Variants in IGF1R observed in about 807,000 individuals in gnomAD.
IGF1R encodes the protein insulin-like growth factor 1 receptor.
IGF1R carries 44 observed loss-of-function variants against 144.6 expected under a neutral mutation model. That is an observed-to-expected ratio of 0.30 (90% CI 0.24 to 0.39). The LOEUF (loss-of-function observed/expected upper bound fraction) is 0.39. Among genes scored for constraint, IGF1R ranks in the 10% least tolerant of loss-of-function variants. The pLI is 1.00. For missense variants in IGF1R, 1,355 were observed against 1,833.7 expected (o/e 0.74, Z 4.77); for synonymous variants, 795 against 722.8 (o/e 1.10, Z -1.60).
intron 18 of IGF1R, 123 bp from the exon 19 acceptor site, chr15:98,942,800 A>G: frequency 7.7e-7 from 1 of 1,300,620 alleles, no homozygotes; most frequent in South Asian, 1.2e-5. Flanking sequence ...TGGCCACCTT[A>G]AAGTGGGACG....
chr15:98,812,902 G>A (rs2056621275), intron 2 of IGF1R, among the ~76,000 whole-genome samples: 1 of 152,164 alleles, frequency 6.6e-6, no homozygotes, highest in Non-Finnish European at 1.5e-5. Flanking sequence ...ATGTACTGTT[G>A]TTGACCAGAG....
chr15:98,856,567 G>C (rs755286830), intron 2 of IGF1R, among the ~76,000 whole-genome samples: 2 of 152,248 alleles, frequency 1.3e-5, no homozygotes, highest in African/African-American at 2.4e-5. Flanking sequence ...ATACTGAGCT[G>C]TAGCATGCAT....
chr15:98,803,240 C>T (rs1031340691), intron 2 of IGF1R, among the ~76,000 whole-genome samples: 2 of 152,132 alleles, frequency 1.3e-5, no homozygotes, highest in Non-Finnish European at 2.9e-5. Context: ...GCTGCAAACC[C>T]GTGGAGCATG....
Position 98,964,217 on chromosome 15 carries a change from T to TGCA in IGF1R, c.*6775_*6776insGCA. 4.3e-6 allele frequency: 1 copy of TGCA among 232,718 alleles called. No individual in the cohort carries two copies. Among genetic ancestry groups the TGCA allele is most frequent in the Non-Finnish European group, 8.5e-6 (1 of 117,598 alleles). 14.4% of individuals were successfully genotyped at this position (232,718 alleles called of 1,614,324 possible). A position where few individuals can be genotyped will look rare whatever the true frequency, so the allele number is the denominator to read the frequency against. ...AGTTTTCTTGTTAAAAAAAAATTTTTTTAAGTAAGAAAAAAAAAGGTAATA... is the reference window on the plus strand; with the variant it reads ...AGTTTTCTTGTTAAAAAAAAATTTTTGCATTAAGTAAGAAAAAAAAAGGTAATA... On this transcript the variant is annotated 3_prime_UTR_variant, in exon 21 of 21. Coordinates refer to ENST00000650285, the MANE Select transcript of IGF1R (RefSeq NM_000875.5).
intron 2 of IGF1R, among the ~76,000 whole-genome samples, chr15:98,749,934 A>AT (rs2054966532): frequency 7.1e-6 from 1 of 140,704 alleles, no homozygotes; most frequent in African/African-American, 2.7e-5. Flanking sequence ...CTACTTGGGT[A>AT]TTTTGTTCTC....
At chr15:98,885,538 G>T (rs1045701530) in intron 2 of IGF1R, among the ~76,000 whole-genome samples, 1 of 152,086 alleles carries the variant, frequency 6.6e-6, no homozygotes, top group East Asian at 1.9e-4. Flanking sequence ...AGTTAGGAGC[G>T]GTTAATCCTC....
At chr15:98,687,113 T>C (rs1011717044) in intron 1 of IGF1R, among the ~76,000 whole-genome samples, 2 of 152,248 alleles carry the variant, frequency 1.3e-5, no homozygotes, top group Non-Finnish European at 2.9e-5. Context: ...GATTACTTCC[T>C]TGTCATTCAT....
chr15:98,654,990 A>G (rs2052451480), intron 1 of IGF1R, among the ~76,000 whole-genome samples: 1 of 152,208 alleles, frequency 6.6e-6, no homozygotes, highest in Non-Finnish European at 1.5e-5. Flanking sequence ...GGAGGGTAGC[A>G]GCCCCAGTGT....
At chr15:98,765,022 A>T (rs2055400102) in intron 2 of IGF1R, among the ~76,000 whole-genome samples, 1 of 152,108 alleles carries the variant, frequency 6.6e-6, no homozygotes, top group South Asian at 2.1e-4. Context: ...GTTTCTATGG[A>T]TTCACCTATT....
intron 2 of IGF1R, among the ~76,000 whole-genome samples, chr15:98,804,553 C>T (rs1422377927): frequency 3.9e-5 from 6 of 152,014 alleles, no homozygotes; most frequent in Non-Finnish European, 7.4e-5. Context: ...GAAAGTGAAA[C>T]GGGGCTATGG....
chr15:98,791,072 C>T (rs2056116788), intron 2 of IGF1R, among the ~76,000 whole-genome samples: 1 of 152,170 alleles, frequency 6.6e-6, no homozygotes, highest in Non-Finnish European at 1.5e-5. Flanking sequence ...GTTTGCATAG[C>T]TTAGTTCATG....
At chr15:98,895,912 T>C (rs1321388846) in intron 3 of IGF1R, among the ~76,000 whole-genome samples, 1 of 152,200 alleles carries the variant, frequency 6.6e-6, no homozygotes, top group Admixed American at 6.5e-5. Context: ...AGTCCAACTT[T>C]CTGACCCTTG....
At chr15:98,929,292 A>G (rs963141235) in intron 13 of IGF1R, among the ~76,000 whole-genome samples, 16 of 152,170 alleles carry the variant, frequency 1.1e-4, no homozygotes, top group African/African-American at 3.1e-4. Flanking sequence ...TCTTCAGTCT[A>G]TCATTGAAAC....
intron 2 of IGF1R, among the ~76,000 whole-genome samples, chr15:98,862,990 A>G (rs149233215): frequency 0.015 from 2,251 of 152,152 alleles, 52 homozygotes; most frequent in African/African-American, 0.051. Context: ...GGATTTCACT[A>G]TTTTCCCACT....
intron 1 of IGF1R, among the ~76,000 whole-genome samples, chr15:98,670,854 T>C (rs2052871095): frequency 6.6e-6 from 1 of 152,236 alleles, no homozygotes; most frequent in Non-Finnish European, 1.5e-5. Context: ...TTTAAACCTG[T>C]CATCTCACAT....
At chr15:98,938,373 G>A (rs1443105416) in intron 17 of IGF1R, among the ~76,000 whole-genome samples, 2 of 152,228 alleles carry the variant, frequency 1.3e-5, no homozygotes, top group Non-Finnish European at 1.5e-5. Flanking sequence ...AAAGTAAAAG[G>A]TAACATTAAA....
chr15:98,681,078 A>G (rs2053177289), intron 1 of IGF1R, among the ~76,000 whole-genome samples: 1 of 152,152 alleles, frequency 6.6e-6, no homozygotes, highest in South Asian at 2.1e-4. Context: ...AGGTGTAAGT[A>G]TACTCTGATC....
intron 2 of IGF1R, among the ~76,000 whole-genome samples, chr15:98,717,230 C>G (rs367833448): frequency 1.1e-3 from 164 of 152,274 alleles, no homozygotes; most frequent in African/African-American, 3.8e-3. Flanking sequence ...ACAAAGCTGC[C>G]AGACCTCACC....
chr15:98,783,240 A>G lies in IGF1R; in HGVS notation c.640+75133A>G, dbSNP rs149846245. On this transcript the variant is annotated intron_variant, in intron 2 of 20. Transcript: ENST00000650285. ...TTTTGTGAAACTAGTACAGTATCAC[A>G]GCTAGGATATTGACGTTAATATAGT... 6.6e-5 allele frequency among the ~76,000 whole-genome samples: 10 copies of G among 152,350 alleles called. No homozygotes were observed. In the East Asian group the frequency reaches 1.9e-3, roughly 29 times the overall value.
Sources: allele counts gnomAD v4.1 joint callset (sites outside exome capture counted in the v4.1 genomes callset), GRCh38; gene constraint gnomAD v4.1.1; transcripts MANE v1.5; gene names NCBI Gene and HGNC (gene_info 2026-07-23, HGNC 2026-07-21).